The following RANBP2 variants were observed in gnomAD, a reference collection of about 807,000 sequenced individuals.
RANBP2 encodes the protein RAN binding protein 2.
RANBP2 carries 57 observed loss-of-function variants against 303.6 expected under a neutral mutation model. That is an observed-to-expected ratio of 0.19 (90% confidence interval 0.15 to 0.23). RANBP2 has a LOEUF of 0.23. Ranked by LOEUF, RANBP2 falls within the 10% of genes least tolerant of loss-of-function variation. The pLI, the probability that RANBP2 is intolerant of heterozygous loss-of-function variation, is 1.00. For missense variants in RANBP2, 3,138 were observed against 3,780.8 expected, an observed-to-expected ratio of 0.83 and a Z score of 4.46; for synonymous variants, 1,167 against 1,301.5, an observed-to-expected ratio of 0.90 and a Z score of 2.23.
chr2:109,717,201 A>G, the RANBP2 span, among the ~76,000 whole-genome samples: 2 of 152,036 alleles, frequency 1.3e-5, no homozygotes, highest in Non-Finnish European at 2.9e-5. Flanking sequence ...ATAGAAGATC[A>G]ATATATAAAA....
At chr2:109,705,412 C>G in the RANBP2 span, among the ~76,000 whole-genome samples, 3 of 152,092 alleles carry the variant, frequency 2.0e-5, no homozygotes, top group Non-Finnish European at 4.4e-5. Context: ...GTCACACACA[C>G]ACAAAAAACA....
rs777258083 is a variant in RANBP2 at position 108,764,902 on chromosome 2, G to T, written c.4363G>T (p.Ala1455Ser). ...AAGTGGATCTTCATTTGTTCATCAA[G>T]CTTCATTTAAATTTGGCCAGGGAGA... ...NKSGSSFVHQ[A>S]SFKFGQGDLP... The change falls in exon 20 of 29, where the codon GCT becomes TCT. Residue 1455 changes from alanine to serine, a missense_variant. By Grantham distance (99) the Ala-to-Ser change is moderately conservative (BLOSUM62 1). Coordinates refer to ENST00000283195, the MANE Select transcript of RANBP2 (RefSeq NM_006267.5). 3.1e-6 allele frequency: 5 copies of T among 1,613,974 alleles called. No individual in the cohort carries two copies. The Admixed American group carries it at 8.3e-5, about 27-fold the overall frequency.
chr2:109,102,994 A>C, the RANBP2 span, among the ~76,000 whole-genome samples: 1 of 152,172 alleles, frequency 6.6e-6, no homozygotes, highest in Non-Finnish European at 1.5e-5. Flanking sequence ...TAGTAAAGGG[A>C]AGGAGCAAGC....
chr2:109,291,710 T>TGTCTC, the RANBP2 span, among the ~76,000 whole-genome samples: 1 of 152,222 alleles, frequency 6.6e-6, no homozygotes. Flanking sequence ...TGCTCCTCTT[T>TGTCTC]GTCTCCCAAG....
the RANBP2 span, among the ~76,000 whole-genome samples, chr2:108,964,518 A>G: frequency 1.3e-5 from 2 of 152,292 alleles, no homozygotes; most frequent in South Asian, 2.1e-4. Context: ...GGGGGAAAAA[A>G]ACCCCAACAA....
the RANBP2 span, chr2:109,605,595 G>A: frequency 6.6e-6 from 1 of 152,104 alleles, no homozygotes; most frequent in Non-Finnish European, 1.5e-5. Context: ...AAGCTAATCA[G>A]AATACCTGAG....
At chr2:108,722,264 T>TC (rs1558866795) in intron 1 of RANBP2, among the ~76,000 whole-genome samples, 2 of 152,036 alleles carry the variant, frequency 1.3e-5, no homozygotes, top group African/African-American at 2.4e-5. Context: ...GTCTTTTTTT[T>TC]CCCCCAAATT....
At chr2:109,099,776 G>C in the RANBP2 span, among the ~76,000 whole-genome samples, 1 of 152,032 alleles carries the variant, frequency 6.6e-6, no homozygotes, top group African/African-American at 2.4e-5. Flanking sequence ...TTTTCTTTGA[G>C]TTTTAACTAT....
the RANBP2 span, among the ~76,000 whole-genome samples, chr2:109,084,559 C>T: frequency 1.3e-5 from 2 of 152,154 alleles, no homozygotes; most frequent in African/African-American, 4.8e-5. Flanking sequence ...AGTGACATTG[C>T]CATCTCTGTA....
chr2:108,777,359 G>A, intron 25 of RANBP2, 128 bp downstream of exon 25: 3 of 521,874 alleles, frequency 5.7e-6, no homozygotes, highest in Admixed American at 3.3e-5. Flanking sequence ...TTGTTTTAGT[G>A]TTTTAATAAT....
At chr2:108,920,109 C>T in the RANBP2 span, among the ~76,000 whole-genome samples, 6 of 152,254 alleles carry the variant, frequency 3.9e-5, no homozygotes, top group East Asian at 5.8e-4. Context: ...GTGCTGTCCA[C>T]ACCGCCAGTC....
the RANBP2 span, chr2:109,614,695 A>G: frequency 6.7e-7 from 1 of 1,488,112 alleles, no homozygotes; most frequent in Non-Finnish European, 8.9e-7. Flanking sequence ...GTGCGCGTCG[A>G]TCCCGCCGAC....
the RANBP2 span, among the ~76,000 whole-genome samples, chr2:109,419,197 T>G: frequency 6.6e-6 from 1 of 152,148 alleles, no homozygotes. Flanking sequence ...TTGTGTGGGT[T>G]TTTTTTAAAC....
chr2:108,816,164 G>T, the RANBP2 span: 3 of 1,320,548 alleles, frequency 2.3e-6, no homozygotes, highest in African/African-American at 4.4e-5. Context: ...AAAAGGAAAA[G>T]CCAGGGCCAG....
At chr2:109,245,022 G>A in the RANBP2 span, among the ~76,000 whole-genome samples, 8 of 152,272 alleles carry the variant, frequency 5.3e-5, no homozygotes, top group African/African-American at 7.2e-5. Context: ...GTTGGATGGC[G>A]TCCCCTTTAA....
At position 108,783,637 on chromosome 2, in the gene RANBP2, C is replaced by G. The variant is rs1258857709; in HGVS notation, c.9411C>G (p.Ser3137=). The G allele has an allele frequency of 6.2e-7, 1 of 1,612,366 alleles. No individual in the cohort carries two copies. Among genetic ancestry groups the G allele is most frequent in the South Asian group, 1.1e-5 (1 of 91,018 alleles). ...ITKHDGTGGQ[S]IYGDKFEDEN... Reference sequence around the variant, plus strand: ...AACATGATGGAACAGGCGGACAGTCCATTTATGGAGACAAATTTGAAGATG... The same window carrying G: ...AACATGATGGAACAGGCGGACAGTCGATTTATGGAGACAAATTTGAAGATG... Residue 3137 remains serine, a synonymous_variant, in exon 29 of 29, where the codon TCC becomes TCG. Transcript: ENST00000283195.
At chr2:108,930,353 G>A in the RANBP2 span, 1 of 1,232,480 alleles carries the variant, frequency 8.1e-7, no homozygotes, top group Non-Finnish European at 1.2e-6. Context: ...TGGGGGCTCT[G>A]CTGGGGGCTC....
chr2:108,897,582 G>A, the RANBP2 span, among the ~76,000 whole-genome samples: 1,340 of 152,244 alleles, frequency 8.8e-3, 6 homozygotes, highest in Non-Finnish European at 0.013. Flanking sequence ...TCTCCCATGG[G>A]GCTGGGCTGA....
At chr2:108,743,190 G>A (rs1558891627) in intron 7 of RANBP2, among the ~76,000 whole-genome samples, 1 of 152,180 alleles carries the variant, frequency 6.6e-6, no homozygotes, top group Non-Finnish European at 1.5e-5. Flanking sequence ...CATAATCATA[G>A]CTCACTGTAA....
Sources: gnomAD v4.1 joint callset for allele counts (sites outside exome capture counted in the v4.1 genomes callset) on GRCh38, gnomAD v4.1.1 for gene constraint, MANE v1.5 for transcripts, NCBI Gene and HGNC (gene_info 2026-07-23, HGNC 2026-07-21) for gene names.